Variants in SHISA6 observed in about 807,000 individuals in gnomAD.
The protein encoded by SHISA6 is protein shisa-6.
A neutral mutation model predicts 47.9 loss-of-function variants in SHISA6; 22 were observed. The observed-to-expected ratio is 0.46, with a 90% CI of 0.33 to 0.66. The LOEUF is 0.66. SHISA6 is among the 30% of genes least tolerant of loss of function. The pLI is 0.02. For missense variants in SHISA6, 680 were observed against 764.6 expected, an observed-to-expected ratio of 0.89 and a Z score of 1.30; for synonymous variants, 388 against 337.8, an observed-to-expected ratio of 1.15 and a Z score of -1.63.
At chr17:11,249,137 C>CA (rs139559354) in intron 1 of SHISA6, among the ~76,000 whole-genome samples, 5,371 of 59,724 alleles carry the variant, frequency 0.09, 168 homozygotes, top group Non-Finnish European at 0.11. Context: ...GACTCCGTCT[C>CA]AAAAAAAAAA....
intron 3 of SHISA6, among the ~76,000 whole-genome samples, chr17:11,432,386 G>T (rs1914805307): frequency 6.6e-6 from 1 of 152,146 alleles, no homozygotes; most frequent in Admixed American, 6.5e-5. Flanking sequence ...TTTACACTCA[G>T]CCTACTTCAT....
At chr17:11,352,314 A>G (rs1037073148) in intron 2 of SHISA6, among the ~76,000 whole-genome samples, 1 of 152,178 alleles carries the variant, frequency 6.6e-6, no homozygotes. Flanking sequence ...GAAAAAAAAA[A>G]CCCTGAACAA....
At chr17:11,491,918 T>C (rs1157274491) in intron 3 of SHISA6, among the ~76,000 whole-genome samples, 1 of 151,940 alleles carries the variant, frequency 6.6e-6, no homozygotes, top group Non-Finnish European at 1.5e-5. Flanking sequence ...ATTACAGGCA[T>C]GCACCACCAC....
intron 1 of SHISA6, among the ~76,000 whole-genome samples, chr17:11,262,010 C>G (rs1200759954): frequency 1.3e-5 from 2 of 152,092 alleles, no homozygotes; most frequent in East Asian, 3.9e-4. Flanking sequence ...TATAGCTATC[C>G]TAGTGTGTAT....
intron 1 of SHISA6, among the ~76,000 whole-genome samples, chr17:11,242,744 G>A (rs1242138106): frequency 6.6e-6 from 1 of 152,042 alleles, no homozygotes; most frequent in Non-Finnish European, 1.5e-5. Flanking sequence ...AACCTGGTGG[G>A]GCATCTTTCA....
At chr17:11,426,589 T>G (rs1026092822) in intron 3 of SHISA6, among the ~76,000 whole-genome samples, 1 of 152,202 alleles carries the variant, frequency 6.6e-6, no homozygotes, top group Non-Finnish European at 1.5e-5. Flanking sequence ...AATATGAGAT[T>G]GTGTAAACCA....
chr17:11,350,775 A>G (rs1427472095), intron 2 of SHISA6, among the ~76,000 whole-genome samples: 1 of 152,138 alleles, frequency 6.6e-6, no homozygotes, highest in African/African-American at 2.4e-5. Flanking sequence ...CTAGTTTCAT[A>G]CTGGCCAAAA....
intron 3 of SHISA6, among the ~76,000 whole-genome samples, chr17:11,457,715 T>C (rs1395245164): frequency 7.2e-6 from 1 of 139,416 alleles, no homozygotes; most frequent in East Asian, 2.1e-4. Context: ...CACTCCAGTC[T>C]GGGTGACAGA....
At chr17:11,307,631 C>T (rs1212944196) in intron 2 of SHISA6, among the ~76,000 whole-genome samples, 1 of 152,146 alleles carries the variant, frequency 6.6e-6, no homozygotes, top group Non-Finnish European at 1.5e-5. Flanking sequence ...TTATTGTTCT[C>T]CTACCATGGA....
At chr17:11,315,049 T>C (rs1378177611) in intron 2 of SHISA6, among the ~76,000 whole-genome samples, 1 of 152,214 alleles carries the variant, frequency 6.6e-6, no homozygotes, top group African/African-American at 2.4e-5. Context: ...CATAGCTTAA[T>C]GTGGGGCAGA....
chr17:11,417,113 C>T (rs961498590), intron 3 of SHISA6, among the ~76,000 whole-genome samples: 6 of 152,160 alleles, frequency 3.9e-5, no homozygotes, highest in Non-Finnish European at 8.8e-5. Context: ...AATTATATTA[C>T]TTCCATGAGA....
At position 11,477,284 on chromosome 17, in the gene SHISA6, AG is replaced by A. The variant is rs1260030668; in HGVS notation, c.896-74611del. Among the ~76,000 whole-genome samples, 10 of 151,650 alleles carry A rather than the reference AG, an allele frequency of 6.6e-5. No individual in the cohort carries two copies. The East Asian group carries it at 1.7e-3, about 26-fold the overall frequency. The stretch of plus-strand genomic sequence containing the variant: ...AAGCAATTACTGATATAGTTGGATT[AG>A]TATCTACCATATTTATTACAGTTTT... On this transcript the variant is annotated intron_variant, in intron 3 of 5. Coordinates refer to ENST00000441885, the MANE Select transcript of SHISA6 (RefSeq NM_207386.4).
At chr17:11,350,985 C>T (rs532971776) in intron 2 of SHISA6, among the ~76,000 whole-genome samples, 1 of 152,264 alleles carries the variant, frequency 6.6e-6, no homozygotes, top group African/African-American at 2.4e-5. Context: ...AGTTCATGTC[C>T]TTGCAGAGAC....
At chr17:11,367,727 G>A (rs55655538) in intron 2 of SHISA6, among the ~76,000 whole-genome samples, 16,008 of 152,162 alleles carry the variant, frequency 0.11, 893 homozygotes, top group East Asian at 0.19. Context: ...GGAATGAGAT[G>A]GAGGCTGAGG....
At chr17:11,540,242 A>G (rs1188714521) in intron 3 of SHISA6, among the ~76,000 whole-genome samples, 2 of 152,134 alleles carry the variant, frequency 1.3e-5, no homozygotes, top group African/African-American at 4.8e-5. Flanking sequence ...GTGCTCCTGG[A>G]TGCTGACCTG....
intron 2 of SHISA6, among the ~76,000 whole-genome samples, chr17:11,267,455 T>G (rs1908468425): frequency 6.6e-6 from 1 of 152,182 alleles, no homozygotes; most frequent in South Asian, 2.1e-4. Context: ...TGTCACACAT[T>G]GGAGTTGTGT....
At chr17:11,364,025 C>T (rs543852395) in intron 2 of SHISA6, among the ~76,000 whole-genome samples, 1 of 152,304 alleles carries the variant, frequency 6.6e-6, no homozygotes, top group African/African-American at 2.4e-5. Flanking sequence ...CTTCTACCAC[C>T]AGCTTGCTCT....
At chr17:11,314,400 T>G (rs1910435781) in intron 2 of SHISA6, among the ~76,000 whole-genome samples, 1 of 151,980 alleles carries the variant, frequency 6.6e-6, no homozygotes, top group South Asian at 2.1e-4. Flanking sequence ...AAACTTTAGA[T>G]TTTAAAATGA....
chr17:11,268,973 A>G (rs1321970167), intron 2 of SHISA6, among the ~76,000 whole-genome samples: 1 of 151,860 alleles, frequency 6.6e-6, no homozygotes, highest in Non-Finnish European at 1.5e-5. Context: ...CATAAACCAT[A>G]GGCTGGTCAC....
Sources: allele counts gnomAD v4.1 joint callset (sites outside exome capture counted in the v4.1 genomes callset), GRCh38; gene constraint gnomAD v4.1.1; transcripts MANE v1.5; gene names NCBI Gene and HGNC (gene_info 2026-07-23, HGNC 2026-07-21).